The following ZNF112 variants were observed in gnomAD, a reference collection of about 807,000 sequenced individuals.
The protein encoded by ZNF112 is zinc finger protein 112 (Y14).
Under a neutral mutation model 77.7 loss-of-function variants are expected in ZNF112, and 37 were observed. The observed-to-expected ratio is 0.48, with a 90% CI of 0.37 to 0.63. The LOEUF (loss-of-function observed/expected upper bound fraction) is 0.63. Among genes scored for constraint, ZNF112 ranks in the 20% least tolerant of loss-of-function variants. The pLI is 0.00. For synonymous variants in ZNF112, 333 were observed against 363.6 expected, an observed-to-expected ratio of 0.92 and a Z score of 0.96; for missense variants, 950 against 1,077.4, an observed-to-expected ratio of 0.88 and a Z score of 1.66.
At position 44,327,777 on chromosome 19, in the gene ZNF112, C is replaced by T. The variant is rs1189871460; in HGVS notation, c.2380G>A (p.Val794Met). ...SRLQAHQRVH[V>M]EGRPYKCEQC... ...TCACATTTATAGGGTCTCCCTTCCA[C>T]ATGAACCCTTTGGTGTGCTTGAAGG... The change falls in exon 4 of 4, where the codon GTG (valine) becomes ATG (methionine). Residue 794 changes from valine (V) to methionine (M), a missense_variant. Transcript: ENST00000354340. 1 of 1,613,914 alleles carries T rather than the reference C, an allele frequency of 6.2e-7. No homozygotes were observed. Among genetic ancestry groups the T allele is most frequent in the East Asian group, 2.2e-5 (1 of 44,840 alleles).
At chr19:44,365,399 G>T (rs1222121203) in intron 1 of ZNF112, among the ~76,000 whole-genome samples, 1 of 152,064 alleles carries the variant, frequency 6.6e-6, no homozygotes, top group Non-Finnish European at 1.5e-5. Flanking sequence ...GTTCGAGGCT[G>T]CAGTGAGCTG....
intron 1 of ZNF112, among the ~76,000 whole-genome samples, chr19:44,347,485 ATTT>A (rs757226424): frequency 6.4e-4 from 26 of 40,318 alleles, no homozygotes; most frequent in Non-Finnish European, 1.0e-3. Flanking sequence ...TTTTGGGTTG[ATTT>A]TTTTTTTTTT....
intron 1 of ZNF112, among the ~76,000 whole-genome samples, chr19:44,348,313 C>T (rs1970632730): frequency 6.6e-6 from 1 of 152,044 alleles, no homozygotes. Flanking sequence ...ACTCCAAAGA[C>T]AGGAATATTA....
chr19:44,337,260 AT>A (rs1333229259), intron 2 of ZNF112, among the ~76,000 whole-genome samples: 6 of 140,068 alleles, frequency 4.3e-5, no homozygotes, highest in East Asian at 2.0e-4. Flanking sequence ...TATTACATAT[AT>A]TTTTATATAT....
intron 2 of ZNF112, among the ~76,000 whole-genome samples, chr19:44,337,917 A>G (rs1371901420): frequency 6.7e-6 from 1 of 150,238 alleles, no homozygotes; most frequent in African/African-American, 2.4e-5. Flanking sequence ...CATAGATCAT[A>G]GATACTACAG....
chr19:44,345,408 A>G lies in ZNF112; in HGVS notation c.-3-4866T>C, dbSNP rs149649538. Among the ~76,000 whole-genome samples, 7 of 152,280 alleles carry G rather than the reference A, an allele frequency of 4.6e-5. No homozygotes were observed. In the East Asian group the frequency reaches 1.4e-3, roughly 29 times the overall value. On this transcript the variant is annotated intron_variant, in intron 1 of 3. Coordinates refer to ENST00000354340, the MANE Select transcript of ZNF112 (RefSeq NM_013380.4). ...AAATGATGTTCTTGGAGCTGTCACT[A>G]AGAGGAAGGAGCAGTAACATGCGCT... is the stretch of plus-strand genomic sequence containing the variant.
intron 1 of ZNF112, among the ~76,000 whole-genome samples, chr19:44,366,062 C>T (rs907399282): frequency 2.6e-5 from 4 of 152,108 alleles, no homozygotes; most frequent in African/African-American, 9.7e-5. Context: ...TGTTAAGAAG[C>T]AATTAGGCCA....
chr19:44,337,481 T>C (rs1970403402), intron 2 of ZNF112, among the ~76,000 whole-genome samples: 1 of 136,228 alleles, frequency 7.3e-6, no homozygotes, highest in South Asian at 2.4e-4. Flanking sequence ...ACCTTATTTC[T>C]TACATGAATT....
chr19:44,359,438 C>A (rs1361576912), upstream of ZNF112, among the ~76,000 whole-genome samples: 1 of 150,708 alleles, frequency 6.6e-6, no homozygotes, highest in African/African-American at 2.5e-5. Flanking sequence ...ATTCTCCTGC[C>A]CCAGCCTCCC....
At chr19:44,331,427 T>A (rs1970268646) in intron 3 of ZNF112, among the ~76,000 whole-genome samples, 1 of 152,202 alleles carries the variant, frequency 6.6e-6, no homozygotes, top group South Asian at 2.1e-4. Context: ...AAAGCTCAGA[T>A]TATAAGCAGA....
intron 2 of ZNF112, among the ~76,000 whole-genome samples, chr19:44,337,396 A>ATATAT (rs1568665677): frequency 2.2e-4 from 7 of 31,976 alleles, no homozygotes; most frequent in Non-Finnish European, 3.3e-4. Flanking sequence ...TAATATATAT[A>ATATAT]ATATATATTT....
chr19:44,366,527 A>C (rs1376186325), intron 1 of ZNF112, among the ~76,000 whole-genome samples: 1 of 152,182 alleles, frequency 6.6e-6, no homozygotes, highest in Non-Finnish European at 1.5e-5. Context: ...TAGGAGCCAA[A>C]GAGTCATTCT....
chr19:44,348,338 T>A (rs1306825081), intron 1 of ZNF112, among the ~76,000 whole-genome samples: 2 of 152,074 alleles, frequency 1.3e-5, no homozygotes, highest in African/African-American at 4.8e-5. Flanking sequence ...TCTGATATTG[T>A]CCCACAGGTT....
intron 1 of ZNF112, among the ~76,000 whole-genome samples, chr19:44,351,336 TGGA>T (rs1010513774): frequency 1.2e-4 from 18 of 152,134 alleles, no homozygotes; most frequent in African/African-American, 4.1e-4. Context: ...AATTAGGATA[TGGA>T]CATCTTTAGG....
chr19:44,339,998 G>C (rs1025405351), intron 2 of ZNF112, among the ~76,000 whole-genome samples: 1 of 152,132 alleles, frequency 6.6e-6, no homozygotes, highest in Non-Finnish European at 1.5e-5. Context: ...AGGGTAAAAT[G>C]TTATTAGAGG....
At chr19:44,366,258 A>G (rs1046576806) in intron 1 of ZNF112, among the ~76,000 whole-genome samples, 5 of 152,194 alleles carry the variant, frequency 3.3e-5, no homozygotes, top group African/African-American at 1.2e-4. Flanking sequence ...GAGGCTTGAA[A>G]GATGTTATTT....
At position 44,336,703 on chromosome 19, in the gene ZNF112, T is replaced by C; in HGVS notation, c.140A>G (p.Lys47Arg). The change falls in exon 3 of 4, where the codon AAG becomes AGG. Residue 47 changes from lysine (K) to arginine (R), a missense_variant. Physicochemically the swap from Lys to Arg is conservative, Grantham distance 26. This residue lies in a region of ZNF112 where 560 missense variants were observed against 557.3 expected (regional missense o/e 1.00). Coordinates refer to ENST00000354340, the MANE Select transcript of ZNF112 (RefSeq NM_013380.4). ...CTCCAGCTGGGATATTAGGTCTGGC[T>C]TGAAGGGCTGATGTGCTGTAAAGAA... ...NLLLVAHQPF[K>R]PDLISQLERE... 5.6e-6 allele frequency: 9 copies of C among 1,613,966 alleles called. No individual in the cohort carries two copies. The highest frequency in any genetic ancestry group is 7.6e-6 in the Non-Finnish European group (9 of 1,179,946).
intron 1 of ZNF112, among the ~76,000 whole-genome samples, chr19:44,363,078 T>C (rs1012661488): frequency 1.3e-5 from 2 of 152,126 alleles, no homozygotes; most frequent in African/African-American, 4.8e-5. Context: ...CAAGCCATCT[T>C]CCCACCTCAG....
intron 1 of ZNF112, among the ~76,000 whole-genome samples, chr19:44,343,992 T>C (rs1251625114): frequency 6.6e-6 from 1 of 152,226 alleles, no homozygotes; most frequent in African/African-American, 2.4e-5. Context: ...GTATATACTA[T>C]ATACATCGAG....
Sources: gnomAD v4.1 joint callset for allele counts (sites outside exome capture counted in the v4.1 genomes callset) on GRCh38, gnomAD v4.1.1 for gene constraint, gnomAD v4.1.1 regional missense constraint, MANE v1.5 for transcripts, NCBI Gene and HGNC (gene_info 2026-07-23, HGNC 2026-07-21) for gene names.